Variants in TNRC18 observed in about 807,000 individuals in gnomAD.
TNRC18 encodes trinucleotide repeat containing 18, also known as trinucleotide repeat-containing gene 18 protein.
In TNRC18, 69 loss-of-function variants were observed where a neutral mutation model predicts 226.7. The ratio of observed to expected loss-of-function variants is 0.30; its 90% CI spans 0.25 to 0.37. The LOEUF (loss-of-function observed/expected upper bound fraction) is 0.37. Ranked by LOEUF, TNRC18 falls within the 10% of genes least tolerant of loss-of-function variation. TNRC18 has a pLI of 1.00. For synonymous variants in TNRC18, 2,449 were observed against 1,927.6 expected, an observed-to-expected ratio of 1.27 and a Z score of -7.09; for missense variants, 4,754 against 4,256.6, an observed-to-expected ratio of 1.12 and a Z score of -3.25.
At chr7:5,390,172 T>A (rs1279422162) in intron 4 of TNRC18, 1 of 470,486 alleles carries the variant, frequency 2.1e-6, no homozygotes, top group Admixed American at 4.0e-5. Flanking sequence ...GAAACCATCC[T>A]GGGCAACACA....
intron 2 of TNRC18, among the ~76,000 whole-genome samples, chr7:5,399,757 C>T (rs1272434767): frequency 6.6e-6 from 1 of 152,168 alleles, no homozygotes; most frequent in Non-Finnish European, 1.5e-5. Context: ...ATGGCTCACA[C>T]CTATAATACC....
intron 19 of TNRC18, among the ~76,000 whole-genome samples, chr7:5,326,163 T>G (rs1788894894): frequency 6.6e-6 from 1 of 152,084 alleles, no homozygotes; most frequent in African/African-American, 2.4e-5. Context: ...AGTAACAGCA[T>G]GGTGTATCCT....
intron 10 of TNRC18, among the ~76,000 whole-genome samples, chr7:5,373,048 C>G (rs900354540): frequency 6.6e-6 from 1 of 152,142 alleles, no homozygotes; most frequent in Non-Finnish European, 1.5e-5. Context: ...ATCCCAGCTA[C>G]TAGGGAGACT....
In TNRC18 at chr7:5,362,832, A is replaced by G; in HGVS notation, c.4220-7T>C. On this transcript the variant is annotated splice_region_variant and splice_polypyrimidine_tract_variant and intron_variant, in intron 11 of 29. Transcript: ENST00000430969. ...ACCAGGGCCCGCTCCGCACCTGTGG[A>G]CAGGAGGTAGGTAACAGGGCGCTGC... 1 of 1,518,000 alleles carries G rather than the reference A, an allele frequency of 6.6e-7. No homozygotes were observed. The highest frequency in any genetic ancestry group is 8.8e-7 in the Non-Finnish European group (1 of 1,133,734). 94.0% of individuals were successfully genotyped at this position (1,518,000 alleles called of 1,614,324 possible). A position where few individuals can be genotyped will look rare whatever the true frequency, so the allele number is the denominator to read the frequency against.
At chr7:5,310,340 C>T (rs897836983) in intron 27 of TNRC18, among the ~76,000 whole-genome samples, 44 of 152,288 alleles carry the variant, frequency 2.9e-4, no homozygotes, top group African/African-American at 9.6e-4. Flanking sequence ...AGCAGTTCTC[C>T]TGCCTCAGCC....
chr7:5,324,288 G>A lies in TNRC18; in HGVS notation c.6368C>T (p.Pro2123Leu). Residue 2123 changes from proline (P) to leucine (L), a missense_variant, in exon 21 of 30, where the codon CCC (proline) becomes CTC (leucine). Coordinates refer to ENST00000430969, the MANE Select transcript of TNRC18 (RefSeq NM_001080495.3). This position sits in a 1 kb window ranked among gnomAD's most constrained non-coding sequence, Gnocchi z 4.8. ...CTCAGAGAAGCTCGAGTCTTGGTTG[G>A]GTTCAAAGTCCTCCTCGGCTGCCAT... ...ESMAAEEDFE[P>L]NQDSSFSEDE... is the part of the protein sequence containing the mutation. 6.2e-7 allele frequency: 1 copy of A among 1,613,518 alleles called. No individual in the cohort carries two copies.
intron 15 of TNRC18, among the ~76,000 whole-genome samples, chr7:5,358,059 A>T (rs1227417729): frequency 6.6e-6 from 1 of 152,220 alleles, no homozygotes; most frequent in Non-Finnish European, 1.5e-5. Context: ...ATCAAGATCA[A>T]AAACCCAGAT....
chr7:5,353,408 T>C (rs1252053333), intron 16 of TNRC18, among the ~76,000 whole-genome samples: 7 of 151,714 alleles, frequency 4.6e-5, no homozygotes, highest in Non-Finnish European at 1.0e-4. Flanking sequence ...TATTTTCTAT[T>C]TGTATTGTAT....
chr7:5,364,930 C>G (rs1793467406), intron 11 of TNRC18, among the ~76,000 whole-genome samples: 1 of 151,894 alleles, frequency 6.6e-6, no homozygotes, highest in Non-Finnish European at 1.5e-5. Context: ...TGAGCTTGGA[C>G]CTTATAAAAA....
At chr7:5,387,312 C>T (rs570959760) in intron 5 of TNRC18, among the ~76,000 whole-genome samples, 3 of 152,278 alleles carry the variant, frequency 2.0e-5, no homozygotes, top group East Asian at 3.9e-4. Context: ...ACACTGGAAT[C>T]GGTAAGGCAC....
intron 2 of TNRC18, among the ~76,000 whole-genome samples, chr7:5,401,355 G>A (rs368684390): frequency 3.3e-5 from 5 of 152,004 alleles, no homozygotes; most frequent in Non-Finnish European, 5.9e-5. Context: ...TCTGCCCCTC[G>A]CCCTGAATCA....
In TNRC18 at chr7:5,312,993, G is replaced by A. The variant is rs1245601800; in HGVS notation, c.7898C>T (p.Ser2633Phe). ...GGAGGAGGAGGAAGAGGAGGAGGAG[G>A]AAGAGGAGGATGAGGAGGAGGAGGA... Reference protein sequence around the residue: ...SSSSSSSSSSSSSSSSSSSSS... With the variant: ...SSSSSSSSSSFSSSSSSSSSS... The change falls in exon 27 of 30, where the codon TCC (serine) becomes TTC (phenylalanine). Residue 2633 changes from serine (S) to phenylalanine (F), a missense_variant. By Grantham distance (155) the Ser-to-Phe change is radical (BLOSUM62 -2). Transcript: ENST00000430969. The surrounding 1 kb of genome is among the most constrained non-coding windows in gnomAD (Gnocchi z 6.3). 6.9e-6 allele frequency: 7 copies of A among 1,015,424 alleles called. No individual in the cohort carries two copies. Among genetic ancestry groups the A allele is most frequent in the African/African-American group, 1.6e-5 (1 of 63,086 alleles). The allele number at this position is 1,015,424 out of a possible 1,614,324, so 62.9% of individuals were successfully genotyped here.
In TNRC18 at chr7:5,324,819, G is replaced by A. The variant is rs1788729975; in HGVS notation, c.6300+277C>T. On this transcript the variant is annotated intron_variant, in intron 20 of 29. Coordinates refer to ENST00000430969, the MANE Select transcript of TNRC18 (RefSeq NM_001080495.3). The surrounding 1 kb of genome is among the most constrained non-coding windows in gnomAD (Gnocchi z 4.8). ...CCTGAGGGCCCTGTGAGGACCTGGT[G>A]CTGGGCTGGGGGCCTGTCACCCAGG... 6.6e-6 allele frequency among the ~76,000 whole-genome samples: 1 copy of A among 152,192 alleles called. No individual in the cohort carries two copies. Among genetic ancestry groups the A allele is most frequent in the African/African-American group, 2.4e-5 (1 of 41,444 alleles).
Position 5,359,388 on chromosome 7 carries a change from G to C in TNRC18, c.4833+10C>G. ...AAGATCTCACACACCTGGAAGACTG[G>C]GTTACTCACCTGACTGATGAAGTCC... On this transcript the variant is annotated intron_variant, in intron 15 of 29. Transcript: ENST00000430969. 6.2e-7 allele frequency: 1 copy of C among 1,613,834 alleles called. No homozygotes were observed. Among genetic ancestry groups the C allele is most frequent in the Non-Finnish European group, 8.5e-7 (1 of 1,179,814 alleles).
Position 5,362,049 on chromosome 7 carries a change from G to A in TNRC18, c.4396-16C>T, listed in dbSNP as rs1257059066. 2 of 1,610,914 alleles carry A rather than the reference G, an allele frequency of 1.2e-6. No individual in the cohort carries two copies. The highest frequency in any genetic ancestry group is 1.7e-6 in the Non-Finnish European group (2 of 1,178,248). On this transcript the variant is annotated splice_polypyrimidine_tract_variant and intron_variant, in intron 12 of 29. Transcript: ENST00000430969. Reference sequence around the variant, plus strand: ...TGGCATACATCTGGGGGAAGAACCGGGAGAGGAGGAGGGGGTGAGGATGCC... The same window carrying A: ...TGGCATACATCTGGGGGAAGAACCGAGAGAGGAGGAGGGGGTGAGGATGCC...
At chr7:5,333,679 G>A (rs951334926) in intron 18 of TNRC18, among the ~76,000 whole-genome samples, 5 of 151,854 alleles carry the variant, frequency 3.3e-5, no homozygotes, top group Admixed American at 6.6e-5. Context: ...CCCAGCACTC[G>A]CCCAGCACCC....
chr7:5,322,824 C>T (rs150605374), intron 21 of TNRC18, among the ~76,000 whole-genome samples: 2 of 152,202 alleles, frequency 1.3e-5, no homozygotes, highest in Non-Finnish European at 2.9e-5. Context: ...GTGGGACGGC[C>T]GTATCCCTGC....
chr7:5,395,318 C>T (rs892994026), intron 2 of TNRC18, among the ~76,000 whole-genome samples: 4 of 152,198 alleles, frequency 2.6e-5, no homozygotes, highest in African/African-American at 4.8e-5. Flanking sequence ...TGGAGGGCAA[C>T]CCCTCCAGAC....
Position 5,370,645 on chromosome 7 carries a change from G to A in TNRC18, c.3949C>T (p.Leu1317Phe), listed in dbSNP as rs773629357. 1.2e-6 allele frequency: 2 copies of A among 1,612,982 alleles called. No individual in the cohort carries two copies. Among genetic ancestry groups the A allele is most frequent in the Admixed American group, 1.7e-5 (1 of 59,974 alleles). Reference sequence around the variant, plus strand: ...TCTTCCAGGAAGCAGGTGCTGCCGAGTACAGGCACGGCCTCTTGGGGCTCC... The same window carrying A: ...TCTTCCAGGAAGCAGGTGCTGCCGAATACAGGCACGGCCTCTTGGGGCTCC... ...SLEPQEAVPV[L>F]GSTCFLEEAS... Residue 1317 changes from leucine (L) to phenylalanine (F), a missense_variant, in exon 11 of 30, where the codon CTC (leucine) becomes TTC (phenylalanine). By Grantham distance (22) the Leu-to-Phe change is conservative. Transcript: ENST00000430969.
Sources: allele counts gnomAD v4.1 joint callset (sites outside exome capture counted in the v4.1 genomes callset), GRCh38; gene constraint gnomAD v4.1.1; non-coding constraint Gnocchi (gnomAD v3.1); transcripts MANE v1.5; gene names NCBI Gene and HGNC (gene_info 2026-07-23, HGNC 2026-07-21).